Variants in CACNG7 observed in about 807,000 individuals in gnomAD.
CACNG7 encodes the protein calcium voltage-gated channel auxiliary subunit gamma 7, also known as voltage-dependent calcium channel gamma-7 subunit.
CACNG7 carries 9 observed loss-of-function variants against 26.3 expected under a neutral mutation model. The observed-to-expected ratio is 0.34, with a 90% CI of 0.21 to 0.60. The LOEUF (loss-of-function observed/expected upper bound fraction) is 0.60, where lower values mean the gene tolerates loss of function less well. CACNG7 is among the 20% of genes least tolerant of loss of function. The probability of loss-of-function intolerance (pLI) is 0.81; values close to 1 mark genes in which losing one functional copy is unlikely to be tolerated. For synonymous variants in CACNG7, 170 were observed against 157.0 expected (o/e 1.08, Z -0.62); for missense variants, 297 against 380.4 (o/e 0.78, Z 1.82).
chr19:53,935,700 C>T (rs962940887), intron 4 of CACNG7, among the ~76,000 whole-genome samples: 3 of 115,558 alleles, frequency 2.6e-5, no homozygotes, highest in Non-Finnish European at 4.9e-5. Context: ...AGTGCAATGG[C>T]GCGATCTCGG....
At chr19:53,914,434 C>T in intron 2 of CACNG7, 66 bp from the exon 3 acceptor site, 1 of 1,410,224 alleles carries the variant, frequency 7.1e-7, no homozygotes, top group Non-Finnish European at 1.0e-6. Flanking sequence ...TGTCCTGCCC[C>T]CACCCCCAGC....
At chr19:53,929,268 G>C (rs1461948364) in intron 4 of CACNG7, among the ~76,000 whole-genome samples, 1 of 128,840 alleles carries the variant, frequency 7.8e-6, no homozygotes, top group Admixed American at 7.0e-5. Context: ...ATGGATGAGA[G>C]AGAGAGAGGG....
chr19:53,940,381 A>G lies in CACNG7; in HGVS notation c.425-1089A>G, dbSNP rs1178000619. Among the ~76,000 whole-genome samples, 1 of 152,134 alleles carries G rather than the reference A, an allele frequency of 6.6e-6. No individual in the cohort carries two copies. Among genetic ancestry groups the G allele is most frequent in the Non-Finnish European group, 1.5e-5 (1 of 68,046 alleles). On this transcript the variant is annotated intron_variant, in intron 4 of 5. Transcript: ENST00000391767. This position sits in a 1 kb window ranked among gnomAD's most constrained non-coding sequence, Gnocchi z 4.1. ...ACCAAGACCTATATAAGTCGTTGCT[A>G]TTATTATTGCTATTGTTGCAATTAT...
In CACNG7 at chr19:53,915,453, C is replaced by T; in HGVS notation, c.372C>T (p.Arg124=). 2 of 1,614,184 alleles carry T rather than the reference C, an allele frequency of 1.2e-6. No homozygotes were observed. Among genetic ancestry groups the T allele is most frequent in the Non-Finnish European group, 1.7e-6 (2 of 1,180,038 alleles). Residue 124 remains arginine, a synonymous_variant, in exon 4 of 6, where the codon CGC becomes CGT. Transcript: ENST00000391767. ...TCATCAGCAACATCGGCCACATCCGCCCGCAGAGGACCATTCTGGCTTTTG... is the reference window on the plus strand; with the variant it reads ...TCATCAGCAACATCGGCCACATCCGTCCGCAGAGGACCATTCTGGCTTTTG... ...AFVISNIGHI[R]PQRTILAFVS...
rs2069128217 is a variant in CACNG7, at chr19:53,940,078, AG to A, written c.425-1390del. 6.6e-6 allele frequency among the ~76,000 whole-genome samples: 1 copy of A among 152,134 alleles called. No homozygotes were observed. Among genetic ancestry groups the A allele is most frequent in the South Asian group, 2.1e-4 (1 of 4,828 alleles). ...ACAGAATGTAGGATTCTAGGGGAAGAGGTTGATAGGGATTAGTTAGATACAT... is the reference window on the plus strand; with the variant it reads ...ACAGAATGTAGGATTCTAGGGGAAGAGTTGATAGGGATTAGTTAGATACAT... On this transcript the variant is annotated intron_variant, in intron 4 of 5. Coordinates refer to ENST00000391767, the MANE Select transcript of CACNG7 (RefSeq NM_031896.5). The surrounding 1 kb of genome is among the most constrained non-coding windows in gnomAD (Gnocchi z 4.1).
chr19:53,933,363 G>A (rs866204774), intron 4 of CACNG7, among the ~76,000 whole-genome samples: 9 of 145,836 alleles, frequency 6.2e-5, no homozygotes, highest in Non-Finnish European at 1.2e-4. Context: ...GCAGTGGTGC[G>A]GTCTCGGCTC....
At chr19:53,911,255 A>C (rs2068860550) in intron 1 of CACNG7, among the ~76,000 whole-genome samples, 1 of 151,842 alleles carries the variant, frequency 6.6e-6, no homozygotes, top group Non-Finnish European at 1.5e-5. Context: ...TAGCAGAGAC[A>C]AGGTTTCACC....
intron 4 of CACNG7, among the ~76,000 whole-genome samples, chr19:53,932,107 G>A (rs1469189689): frequency 6.6e-6 from 1 of 151,562 alleles, no homozygotes; most frequent in African/African-American, 2.4e-5. Flanking sequence ...ATAAAAAGAA[G>A]CCAAGCACAG....
intron 4 of CACNG7, among the ~76,000 whole-genome samples, chr19:53,926,443 T>C (rs950433539): frequency 9.2e-5 from 14 of 152,118 alleles, no homozygotes; most frequent in African/African-American, 3.4e-4. Flanking sequence ...CCGACCCTAA[T>C]TCTCAGAAGC....
intron 4 of CACNG7, among the ~76,000 whole-genome samples, chr19:53,921,312 C>T (rs923311473): frequency 1.5e-5 from 2 of 132,816 alleles, no homozygotes; most frequent in Non-Finnish European, 1.6e-5. Flanking sequence ...GGTGGACTTG[C>T]CCCAGGTCTG....
At chr19:53,913,772 A>G (rs75645941) in intron 2 of CACNG7, among the ~76,000 whole-genome samples, 3,299 of 148,338 alleles carry the variant, frequency 0.022, 56 homozygotes, top group Non-Finnish European at 0.035. Flanking sequence ...TGACAGAGCA[A>G]AACCCAGTCT....
intron 4 of CACNG7, among the ~76,000 whole-genome samples, chr19:53,923,315 T>C (rs1342102797): frequency 3.2e-5 from 4 of 125,870 alleles, no homozygotes; most frequent in Non-Finnish European, 5.0e-5. Context: ...TGACTCAGGC[T>C]GGTCATTGGT....
chr19:53,915,508 G>A lies in CACNG7; in HGVS notation c.424+3G>A, dbSNP rs774064816. On this transcript the variant is annotated splice_donor_region_variant and intron_variant, in intron 4 of 5. Transcript: ENST00000391767. ...TGGCATCTTCTTCATACTATCGGGT[G>A]AGCCTAAGGACTTGGGGGTTGGGGG... 7 of 1,613,878 alleles carry A rather than the reference G, an allele frequency of 4.3e-6. No homozygotes were observed. Among genetic ancestry groups the A allele is most frequent in the Admixed American group, 1.7e-5 (1 of 59,992 alleles).
rs745326651 is a variant in CACNG7, at chr19:53,915,489, C to T, written c.408C>T (p.Ile136=). ...QRTILAFVSG[I]FFILSGLSLV... is the part of the protein sequence containing the mutation. The stretch of plus-strand genomic sequence containing the variant: ...CCATTCTGGCTTTTGTCTCTGGCAT[C>T]TTCTTCATACTATCGGGTGAGCCTA... Residue 136 remains isoleucine (I), a synonymous_variant, in exon 4 of 6, where the codon ATC becomes ATT. Coordinates refer to ENST00000391767, the MANE Select transcript of CACNG7 (RefSeq NM_031896.5). 3.1e-5 allele frequency: 50 copies of T among 1,614,012 alleles called. No homozygotes were observed. The Admixed American group carries it at 4.5e-4, about 15-fold the overall frequency.
intron 4 of CACNG7, among the ~76,000 whole-genome samples, chr19:53,925,243 G>T (rs2069017548): frequency 2.0e-5 from 3 of 147,772 alleles, no homozygotes; most frequent in South Asian, 2.2e-4. Context: ...CTTGCCCCAG[G>T]TCTGGTCATT....
At chr19:53,923,389 C>T (rs2068983065) in intron 4 of CACNG7, among the ~76,000 whole-genome samples, 1 of 139,798 alleles carries the variant, frequency 7.2e-6, no homozygotes, top group South Asian at 2.6e-4. Flanking sequence ...TGGAGTTGTC[C>T]CCAGGTCTGG....
chr19:53,939,549 T>A lies in CACNG7; in HGVS notation c.425-1921T>A, dbSNP rs1449040484. ...ATCACACAATATGTGATATTTTGCA[T>A]CTGGCTTCTTTTAGCTTGCTTTCTA... is the stretch of plus-strand genomic sequence containing the variant. On this transcript the variant is annotated intron_variant, in intron 4 of 5. Coordinates refer to ENST00000391767, the MANE Select transcript of CACNG7 (RefSeq NM_031896.5). The surrounding 1 kb of genome is among the most constrained non-coding windows in gnomAD (Gnocchi z 4.2). 1.3e-5 allele frequency among the ~76,000 whole-genome samples: 2 copies of A among 152,340 alleles called. No individual in the cohort carries two copies. The highest frequency in any genetic ancestry group is 3.9e-4 in the East Asian group (2 of 5,190).
In CACNG7 at chr19:53,924,855, T is replaced by C. The variant is rs1256905664; in HGVS notation, c.424+9350T>C. On this transcript the variant is annotated intron_variant, in intron 4 of 5. Coordinates refer to ENST00000391767, the MANE Select transcript of CACNG7 (RefSeq NM_031896.5). ...GGTGGAGTTGCCCCAGGTCTGGTCA[T>C]TGGTGGACTTGCCCCAGGCTGGTCA... is the stretch of plus-strand genomic sequence containing the variant. Among the ~76,000 whole-genome samples, 21 of 145,530 alleles carry C rather than the reference T, an allele frequency of 1.4e-4. 1 individual carries two copies. Among genetic ancestry groups the C allele is most frequent in the East Asian group, 4.2e-4 (2 of 4,722 alleles).
At chr19:53,933,963 T>C (rs1199855089) in intron 4 of CACNG7, among the ~76,000 whole-genome samples, 1 of 152,134 alleles carries the variant, frequency 6.6e-6, no homozygotes, top group Non-Finnish European at 1.5e-5. Flanking sequence ...AATGGCGCAA[T>C]CTCAGCTCAT....
Sources: allele counts gnomAD v4.1 joint callset (sites outside exome capture counted in the v4.1 genomes callset), GRCh38; gene constraint gnomAD v4.1.1; non-coding constraint Gnocchi (gnomAD v3.1); transcripts MANE v1.5; gene names NCBI Gene and HGNC (gene_info 2026-07-23, HGNC 2026-07-21).